Variants in NRG1 observed in about 807,000 individuals in gnomAD.
NRG1 encodes the protein neuregulin 1, also known as pro-neuregulin-1, membrane-bound isoform.
Under a neutral mutation model 63.8 loss-of-function variants are expected in NRG1, and 18 were observed. That is an observed-to-expected ratio of 0.28 (90% confidence interval 0.19 to 0.42). The LOEUF is 0.42. Among genes scored for constraint, NRG1 ranks in the 10% least tolerant of loss-of-function variants. The pLI is 1.00. For missense variants in NRG1, 762 were observed against 814.7 expected (o/e 0.94, Z 0.79); for synonymous variants, 302 against 301.3 (o/e 1.00, Z -0.02).
intron 7 of NRG1, chr8:32,743,325 T>A (rs10098433): frequency 0.15 from 94,400 of 616,126 alleles, 7,356 homozygotes; most frequent in Middle Eastern, 0.22. Context: ...TCACAGCAAA[T>A]GAGATATCCT....
At chr8:32,402,801 T>C (rs1472454164) in intron 1 of NRG1, among the ~76,000 whole-genome samples, 1 of 152,122 alleles carries the variant, frequency 6.6e-6, no homozygotes, top group Non-Finnish European at 1.5e-5. Context: ...TCTGTTGAAC[T>C]GTGAAGAAGA....
chr8:32,064,367 GT>G, intron 1 of NRG1, among the ~76,000 whole-genome samples: 1 of 152,200 alleles, frequency 6.6e-6, no homozygotes. Flanking sequence ...GAGTTTTCAG[GT>G]TTCATTTGGC....
chr8:32,158,448 G>GATATATATATATATATATATATATCATAT (rs1838411521), intron 1 of NRG1, among the ~76,000 whole-genome samples: 1 of 62,184 alleles, frequency 1.6e-5, no homozygotes, highest in Non-Finnish European at 3.9e-5. Flanking sequence ...TGGTTTACAT[G>GATATATATATATATATATATATATCATAT]ATATATATAT....
At chr8:31,721,548 TC>T (rs1812917742) in intron 1 of NRG1, among the ~76,000 whole-genome samples, 2 of 152,182 alleles carry the variant, frequency 1.3e-5, no homozygotes, top group South Asian at 2.1e-4. Context: ...ATCATTCTGT[TC>T]CTTGACCCTC....
chr8:32,182,899 T>A (rs934149235), intron 1 of NRG1, among the ~76,000 whole-genome samples: 11 of 152,262 alleles, frequency 7.2e-5, no homozygotes, highest in Middle Eastern at 3.4e-3. Context: ...CTTTAAAAAA[T>A]TTCAAAACGT....
intron 1 of NRG1, among the ~76,000 whole-genome samples, chr8:32,482,527 A>T (rs1489150172): frequency 6.6e-6 from 1 of 152,016 alleles, no homozygotes; most frequent in African/African-American, 2.4e-5. Context: ...TTCCGGGCAG[A>T]TCCAGGCTGG....
intron 1 of NRG1, among the ~76,000 whole-genome samples, chr8:32,550,161 A>T (rs1340017989): frequency 6.6e-6 from 1 of 152,134 alleles, no homozygotes; most frequent in Non-Finnish European, 1.5e-5. Flanking sequence ...ACCACTGGCC[A>T]TTCTTGTGCT....
chr8:32,004,205 G>C (rs1375194839), intron 1 of NRG1, among the ~76,000 whole-genome samples: 1 of 152,008 alleles, frequency 6.6e-6, no homozygotes, highest in African/African-American at 2.4e-5. Flanking sequence ...AAAGATCAGT[G>C]GTTGTCAAGG....
At chr8:32,004,231 G>A (rs773235315) in intron 1 of NRG1, among the ~76,000 whole-genome samples, 2 of 151,932 alleles carry the variant, frequency 1.3e-5, no homozygotes, top group Non-Finnish European at 2.9e-5. Flanking sequence ...GGGACTGGTT[G>A]AGGATGGAGA....
intron 1 of NRG1, among the ~76,000 whole-genome samples, chr8:32,555,923 T>C (rs986141675): frequency 1.3e-5 from 2 of 152,240 alleles, no homozygotes; most frequent in Non-Finnish European, 2.9e-5. Flanking sequence ...TCCCATTGTT[T>C]CTTGCTCCAA....
chr8:32,286,775 TCAC>T (rs1853572221), intron 1 of NRG1, among the ~76,000 whole-genome samples: 1 of 152,142 alleles, frequency 6.6e-6, no homozygotes, highest in Admixed American at 6.5e-5. Context: ...GGCAGGTGGA[TCAC>T]CTGAGGTCAC....
chr8:32,406,718 T>G (rs987019781), intron 1 of NRG1, among the ~76,000 whole-genome samples: 4 of 152,168 alleles, frequency 2.6e-5, no homozygotes, highest in Non-Finnish European at 1.5e-5. Flanking sequence ...TCGTCCTTTT[T>G]TTTTAAAGGC....
In NRG1 at chr8:31,707,311, C is replaced by G. The variant is rs377229182; in HGVS notation, c.37+67880C>G. ...TACCCTTATTATACACTAAATTCTT[C>G]TCTATGTTGAGCAATAGTTTTGAAT... On this transcript the variant is annotated intron_variant, in intron 1 of 10. Transcript: ENST00000519301. Among the ~76,000 whole-genome samples the G allele has an allele frequency of 8.5e-5, 13 of 152,144 alleles. No homozygotes were observed. In the East Asian group the frequency reaches 1.4e-3, roughly 16 times the overall value.
At chr8:31,934,420 C>CCTT (rs1563586153) in intron 1 of NRG1, among the ~76,000 whole-genome samples, 1 of 108,062 alleles carries the variant, frequency 9.3e-6, no homozygotes, top group African/African-American at 4.1e-5. Flanking sequence ...TATTCGCTCT[C>CCTT]TTTTTTTTTT....
chr8:31,713,278 G>A (rs1448032648), intron 1 of NRG1, among the ~76,000 whole-genome samples: 3 of 151,574 alleles, frequency 2.0e-5, no homozygotes, highest in Admixed American at 1.3e-4. Context: ...CACCAAGCCC[G>A]GCTAATTTTT....
chr8:31,927,973 G>A (rs942834278), intron 1 of NRG1, among the ~76,000 whole-genome samples: 4 of 139,434 alleles, frequency 2.9e-5, no homozygotes, highest in Admixed American at 1.5e-4. Context: ...CCATTAACTC[G>A]TCATTCAGCA....
intron 1 of NRG1, among the ~76,000 whole-genome samples, chr8:32,075,100 G>A (rs73241640): frequency 0.021 from 3,216 of 152,284 alleles, 48 homozygotes; most frequent in Non-Finnish European, 0.035. Flanking sequence ...TATGTGTAAC[G>A]CACTAGAGCA....
At chr8:32,525,210 G>A (rs1387956319) in intron 1 of NRG1, among the ~76,000 whole-genome samples, 5 of 152,094 alleles carry the variant, frequency 3.3e-5, no homozygotes, top group African/African-American at 7.2e-5. Flanking sequence ...TAAGGAGTCC[G>A]GTGCCCATGA....
At chr8:32,231,057 A>C (rs760640612) in intron 1 of NRG1, among the ~76,000 whole-genome samples, 1 of 152,102 alleles carries the variant, frequency 6.6e-6, no homozygotes, top group Non-Finnish European at 1.5e-5. Flanking sequence ...GGAAACCATC[A>C]TTCTATTATC....
Sources: gnomAD v4.1 joint callset for allele counts (sites outside exome capture counted in the v4.1 genomes callset) on GRCh38, gnomAD v4.1.1 for gene constraint, MANE v1.5 for transcripts, NCBI Gene and HGNC (gene_info 2026-07-23, HGNC 2026-07-21) for gene names.